The following CHRM3 variants were observed in gnomAD, a reference collection of about 807,000 sequenced individuals.
CHRM3 encodes the protein cholinergic receptor muscarinic 3.
In CHRM3, 11 loss-of-function variants were observed where a neutral mutation model predicts 41.8. The observed-to-expected ratio is 0.26, with a 90% CI of 0.17 to 0.44. The LOEUF (loss-of-function observed/expected upper bound fraction) is 0.44. CHRM3 is among the 20% of genes least tolerant of loss of function. The pLI, the probability that CHRM3 is intolerant of heterozygous loss-of-function variation, is 1.00. For missense variants in CHRM3, 571 were observed against 745.4 expected (o/e 0.77, Z 2.72); for synonymous variants, 297 against 301.4 (o/e 0.99, Z 0.15).
chr1:239,436,337 T>C (rs1663267105), intron 1 of CHRM3, among the ~76,000 whole-genome samples: 1 of 152,106 alleles, frequency 6.6e-6, no homozygotes, highest in Non-Finnish European at 1.5e-5. Flanking sequence ...TGGGATCCCG[T>C]TGGTCCTGAG....
intron 4 of CHRM3, among the ~76,000 whole-genome samples, chr1:239,667,741 T>C (rs1867267): frequency 1 from 151,698 of 152,242 alleles, 75,579 homozygotes; most frequent in Middle Eastern, 1. Flanking sequence ...TTTCTGTGTG[T>C]ACAAACCCCC....
chr1:239,605,990 C>T (rs561207075), intron 3 of CHRM3: 7 of 152,218 alleles, frequency 4.6e-5, no homozygotes, highest in Middle Eastern at 6.8e-3. Flanking sequence ...GTCTTGTTTG[C>T]TCTTACTCTC....
At chr1:239,589,081 G>T (rs145815085) in intron 3 of CHRM3, among the ~76,000 whole-genome samples, 1 of 151,856 alleles carries the variant, frequency 6.6e-6, no homozygotes, top group African/African-American at 2.4e-5. Flanking sequence ...TTACAGGCAC[G>T]TGCCGTCATG....
In CHRM3 at chr1:239,676,367, T is replaced by A. The variant is rs550087146; in HGVS notation, c.-249-1819T>A. ...GCCTGCCATGTGTATTACAGAGAAG[T>A]CTATTATTGAAACTCACAAGGTGAA... is the stretch of plus-strand genomic sequence containing the variant. On this transcript the variant is annotated intron_variant, in intron 4 of 6. Transcript: ENST00000676153. Among the ~76,000 whole-genome samples, 780 of 150,834 alleles carry A rather than the reference T, an allele frequency of 5.2e-3. 1 individual carries two copies. The highest frequency in any genetic ancestry group is 0.018 in the African/African-American group (736 of 41,180).
At chr1:239,815,378 C>G (rs1429398950) in intron 5 of CHRM3, among the ~76,000 whole-genome samples, 1 of 152,172 alleles carries the variant, frequency 6.6e-6, no homozygotes, top group Non-Finnish European at 1.5e-5. Flanking sequence ...TTTTCTCTTG[C>G]ATTTTTAATC....
At chr1:239,741,695 T>C (rs1664863638) in intron 5 of CHRM3, among the ~76,000 whole-genome samples, 1 of 152,168 alleles carries the variant, frequency 6.6e-6, no homozygotes, top group Non-Finnish European at 1.5e-5. Flanking sequence ...TTGTTTTTTT[T>C]ATAACATGCA....
chr1:239,390,806 T>C (rs1658965950), intron 1 of CHRM3, among the ~76,000 whole-genome samples: 1 of 152,194 alleles, frequency 6.6e-6, no homozygotes, highest in Non-Finnish European at 1.5e-5. Flanking sequence ...CCAGACAGTA[T>C]AGATCTCCAT....
intron 3 of CHRM3, among the ~76,000 whole-genome samples, chr1:239,576,008 T>C (rs184042045): frequency 1.5e-3 from 230 of 152,270 alleles, no homozygotes; most frequent in Admixed American, 5.3e-3. Flanking sequence ...ACTTGCTGTT[T>C]CTATACATTT....
At chr1:239,847,145 T>C (rs1324462417) in intron 6 of CHRM3, among the ~76,000 whole-genome samples, 1 of 152,178 alleles carries the variant, frequency 6.6e-6, no homozygotes, top group Non-Finnish European at 1.5e-5. Flanking sequence ...ATTCCAAAAA[T>C]AAGACGAAAG....
chr1:239,613,826 C>G (rs988689984), intron 3 of CHRM3, among the ~76,000 whole-genome samples: 4 of 151,906 alleles, frequency 2.6e-5, no homozygotes, highest in African/African-American at 9.7e-5. Context: ...TGACTCCAGT[C>G]ATTAATCAGA....
chr1:239,507,417 G>A (rs970235838), intron 2 of CHRM3, among the ~76,000 whole-genome samples: 3 of 152,182 alleles, frequency 2.0e-5, no homozygotes, highest in Non-Finnish European at 4.4e-5. Flanking sequence ...GCCACCATGT[G>A]AGACATGCCT....
intron 3 of CHRM3, among the ~76,000 whole-genome samples, chr1:239,583,062 A>T (rs1663050496): frequency 6.6e-6 from 1 of 152,104 alleles, no homozygotes; most frequent in Non-Finnish European, 1.5e-5. Context: ...TCACCCAATC[A>T]GTGGAGCTTT....
intron 5 of CHRM3, among the ~76,000 whole-genome samples, chr1:239,745,071 G>C (rs1273757644): frequency 1.3e-5 from 2 of 152,132 alleles, no homozygotes; most frequent in Non-Finnish European, 2.9e-5. Context: ...AAGGGAGTGG[G>C]AGGAAGTGGT....
At chr1:239,814,589 C>A (rs1434027263) in intron 5 of CHRM3, among the ~76,000 whole-genome samples, 1 of 152,058 alleles carries the variant, frequency 6.6e-6, no homozygotes, top group African/African-American at 2.4e-5. Context: ...GCCTTTAATG[C>A]TGATTAAGTC....
At chr1:239,582,133 TACTATGA>T (rs1662959394) in intron 3 of CHRM3, among the ~76,000 whole-genome samples, 1 of 152,216 alleles carries the variant, frequency 6.6e-6, no homozygotes, top group Non-Finnish European at 1.5e-5. Context: ...ATGCTCTATG[TACTATGA>T]ACTTGGGATC....
At chr1:239,533,263 A>G (rs1657840716) in intron 2 of CHRM3, among the ~76,000 whole-genome samples, 1 of 152,136 alleles carries the variant, frequency 6.6e-6, no homozygotes, top group African/African-American at 2.4e-5. Context: ...CCGTCCTTAC[A>G]CTGCTATGAA....
At chr1:239,857,762 A>C (rs542756679) in intron 6 of CHRM3, among the ~76,000 whole-genome samples, 1 of 152,294 alleles carries the variant, frequency 6.6e-6, no homozygotes, top group African/African-American at 2.4e-5. Flanking sequence ...AATAAATGAA[A>C]GCCAGCCTTT....
intron 4 of CHRM3, among the ~76,000 whole-genome samples, chr1:239,647,407 C>T (rs913474182): frequency 1.3e-5 from 2 of 152,162 alleles, no homozygotes; most frequent in African/African-American, 4.8e-5. Flanking sequence ...AGGAACCTCT[C>T]TTTTCTTGAA....
chr1:239,541,140 G>C (rs1658736529), intron 2 of CHRM3, among the ~76,000 whole-genome samples: 1 of 152,130 alleles, frequency 6.6e-6, no homozygotes, highest in South Asian at 2.1e-4. Flanking sequence ...CCCCATGTCT[G>C]TGTGGGTTTT....
Sources: allele counts gnomAD v4.1 joint callset (sites outside exome capture counted in the v4.1 genomes callset), GRCh38; gene constraint gnomAD v4.1.1; transcripts MANE v1.5; gene names NCBI Gene and HGNC (gene_info 2026-07-23, HGNC 2026-07-21).